The following UBR2 variants were observed in gnomAD, a reference collection of about 807,000 sequenced individuals.
The protein encoded by UBR2 is ubiquitin protein ligase E3 component n-recognin 2.
A neutral mutation model predicts 247.9 loss-of-function variants in UBR2; 92 were observed. That is an observed-to-expected ratio of 0.37 (90% CI 0.31 to 0.44). The LOEUF (loss-of-function observed/expected upper bound fraction) is 0.44. UBR2 is among the 20% of genes least tolerant of loss of function. The pLI is 1.00. For missense variants in UBR2, 1,613 were observed against 2,112.6 expected (o/e 0.76, Z 4.64); for synonymous variants, 672 against 693.5 (o/e 0.97, Z 0.49).
rs1375361748 is a variant in UBR2 at position 42,642,327 on chromosome 6, C to T, written c.2032-89C>T. 3 of 844,572 alleles carry T rather than the reference C, an allele frequency of 3.6e-6. No homozygotes were observed. In the African/African-American group the frequency reaches 5.1e-5, roughly 14 times the overall value. The allele number at this position is 844,572 out of a possible 1,614,324, so 52.3% of individuals were successfully genotyped here. On this transcript the variant is annotated intron_variant, in intron 17 of 46. Coordinates refer to ENST00000372901, the MANE Select transcript of UBR2 (RefSeq NM_001363705.2). ...ACCACATCACACACATGCACACATT[C>T]TTGTACAAACTTGTGCTTTTGGGGA...
intron 2 of UBR2, among the ~76,000 whole-genome samples, chr6:42,581,031 T>TTTTTA (rs1791856735): frequency 1.7e-5 from 1 of 57,194 alleles, no homozygotes; most frequent in African/African-American, 8.5e-5. Context: ...TTTTTTTTTT[T>TTTTTA]GAGACAGGGT....
intron 22 of UBR2, among the ~76,000 whole-genome samples, chr6:42,648,723 A>G (rs1333097079): frequency 1.3e-5 from 2 of 152,192 alleles, no homozygotes; most frequent in South Asian, 2.1e-4. Context: ...GGTTATAAAG[A>G]CAATACTTGC....
chr6:42,577,242 G>A (rs1042508253), intron 2 of UBR2, among the ~76,000 whole-genome samples: 22 of 152,262 alleles, frequency 1.4e-4, no homozygotes, highest in Admixed American at 3.9e-4. Context: ...AAAGGTGACT[G>A]ATATCCATAA....
rs1454865133 is a variant in UBR2, at chr6:42,692,452, ATG to A, written c.*1281_*1282del. The A allele has an allele frequency of 6.6e-6, 1 of 152,210 alleles. No individual in the cohort carries two copies. Among genetic ancestry groups the A allele is most frequent in the African/African-American group, 2.4e-5 (1 of 41,454 alleles). The allele number at this position is 152,210 out of a possible 1,614,324, so 9.4% of individuals were successfully genotyped here. A position where few individuals can be genotyped will look rare whatever the true frequency, so the allele number is the denominator to read the frequency against. ...ACTTACAAAATAGCTTATAATTATTATGTACCACACAACTACTATTGTTTGAT... is the reference window on the plus strand; with the variant it reads ...ACTTACAAAATAGCTTATAATTATTATACCACACAACTACTATTGTTTGAT... On this transcript the variant is annotated 3_prime_UTR_variant, in exon 47 of 47. Coordinates refer to ENST00000372901, the MANE Select transcript of UBR2 (RefSeq NM_001363705.2).
chr6:42,605,717 A>G lies in UBR2; in HGVS notation c.663-4A>G. On this transcript the variant is annotated splice_polypyrimidine_tract_variant and splice_region_variant and intron_variant, in intron 5 of 46. Coordinates refer to ENST00000372901, the MANE Select transcript of UBR2 (RefSeq NM_001363705.2). ...TAATATATCATGAATATTTTATCAC[A>G]CAGAGAGAAGAGTGACACCTACTAT... 2 of 1,594,550 alleles carry G rather than the reference A, an allele frequency of 1.3e-6. No individual in the cohort carries two copies. The highest frequency in any genetic ancestry group is 1.7e-6 in the Non-Finnish European group (2 of 1,174,804).
intron 13 of UBR2, among the ~76,000 whole-genome samples, chr6:42,633,262 T>C (rs181953503): frequency 1.3e-5 from 2 of 152,300 alleles, no homozygotes; most frequent in African/African-American, 4.8e-5. Flanking sequence ...AAGATCAATT[T>C]GGATGGCTGC....
chr6:42,658,629 A>G lies in UBR2; in HGVS notation c.3064-17A>G. On this transcript the variant is annotated splice_polypyrimidine_tract_variant and intron_variant, in intron 28 of 46. Transcript: ENST00000372901. ...TTTTAGCATCTAATTGTCTAATTGA[A>G]TGGAGCATAATTTCAGAGTTCAAGG... 1.3e-6 allele frequency: 2 copies of G among 1,582,534 alleles called. No homozygotes were observed. Among genetic ancestry groups the G allele is most frequent in the Non-Finnish European group, 1.7e-6 (2 of 1,169,640 alleles).
chr6:42,569,755 C>A (rs1181048718), intron 1 of UBR2, among the ~76,000 whole-genome samples: 2 of 152,086 alleles, frequency 1.3e-5, no homozygotes, highest in African/African-American at 4.8e-5. Context: ...TCTAGGGATT[C>A]TTTCATTTTT....
intron 8 of UBR2, among the ~76,000 whole-genome samples, chr6:42,613,958 T>C (rs9462812): frequency 0.25 from 36,969 of 150,662 alleles, 4,957 homozygotes; most frequent in East Asian, 0.46. Flanking sequence ...GTGGGTCACT[T>C]GAGCCCAAGA....
chr6:42,573,142 A>G (rs1791272086), intron 1 of UBR2, among the ~76,000 whole-genome samples: 2 of 152,064 alleles, frequency 1.3e-5, no homozygotes, highest in Non-Finnish European at 2.9e-5. Context: ...TGGGGAGAGC[A>G]AACGGAAAAG....
intron 41 of UBR2, among the ~76,000 whole-genome samples, chr6:42,678,913 G>T (rs182756023): frequency 6.6e-6 from 1 of 152,084 alleles, no homozygotes; most frequent in African/African-American, 2.4e-5. Flanking sequence ...CCCTTCTCCC[G>T]TAAAGATCAT....
intron 1 of UBR2, among the ~76,000 whole-genome samples, chr6:42,572,453 C>T (rs1791218005): frequency 7.3e-6 from 1 of 137,850 alleles, no homozygotes; most frequent in Admixed American, 7.4e-5. Context: ...ATCACTTGAA[C>T]ATACTTTTTT....
chr6:42,586,850 C>A (rs1340732473), intron 2 of UBR2, among the ~76,000 whole-genome samples: 2 of 119,640 alleles, frequency 1.7e-5, no homozygotes, highest in African/African-American at 3.4e-5. Context: ...GAGACAGAGT[C>A]TCACTCTGTC....
chr6:42,583,342 G>T (rs1413246327), intron 2 of UBR2, among the ~76,000 whole-genome samples: 1 of 152,008 alleles, frequency 6.6e-6, no homozygotes, highest in Non-Finnish European at 1.5e-5. Context: ...CTGCCTCCCG[G>T]ATTCAAGCGA....
chr6:42,573,638 T>G (rs1002664017), intron 1 of UBR2, 96 bp from the exon 2 acceptor site: 9 of 1,319,146 alleles, frequency 6.8e-6, no homozygotes, highest in Non-Finnish European at 8.0e-6. Flanking sequence ...AATATGCTTT[T>G]GTCATTATTT....
intron 16 of UBR2, 70 bp from the exon 17 acceptor site, chr6:42,641,512 C>A: frequency 8.5e-7 from 1 of 1,182,318 alleles, no homozygotes; most frequent in South Asian, 1.4e-5. Context: ...ATCGACCAAA[C>A]TTCTTTTTAG....
In UBR2 at chr6:42,644,198, T is replaced by TAAA. The variant is rs762436980; in HGVS notation, c.2098-4_2098-2dup. ...TCCTCTTTTCCTTTATCTCAAACAT[T>TAAA]AAAAAAAAAAAAAAGACAGGTGTCT... On this transcript the variant is annotated splice_polypyrimidine_tract_variant and intron_variant, in intron 18 of 46. Coordinates refer to ENST00000372901, the MANE Select transcript of UBR2 (RefSeq NM_001363705.2). 3.0e-5 allele frequency: 43 copies of TAAA among 1,411,138 alleles called. No individual in the cohort carries two copies. Among genetic ancestry groups the TAAA allele is most frequent in the South Asian group, 1.2e-4 (9 of 76,532 alleles). The allele number at this position is 1,411,138 out of a possible 1,614,324, so 87.4% of individuals were successfully genotyped here. A position where few individuals can be genotyped will look rare whatever the true frequency, so the allele number is the denominator to read the frequency against.
At chr6:42,576,004 CT>C (rs1443813239) in intron 2 of UBR2, among the ~76,000 whole-genome samples, 1 of 152,040 alleles carries the variant, frequency 6.6e-6, no homozygotes. Flanking sequence ...ATCCTTTGAG[CT>C]CTTTTTCTTT....
intron 27 of UBR2, 27 bp from the exon 28 acceptor site, chr6:42,658,213 A>G: frequency 6.2e-7 from 1 of 1,609,416 alleles, no homozygotes; most frequent in South Asian, 1.1e-5. Context: ...TATTTCATAC[A>G]GGATACTGAT....
Sources: gnomAD v4.1 joint callset for allele counts (sites outside exome capture counted in the v4.1 genomes callset) on GRCh38, gnomAD v4.1.1 for gene constraint, MANE v1.5 for transcripts, NCBI Gene and HGNC (gene_info 2026-07-23, HGNC 2026-07-21) for gene names.